EBAG9: variants seen among roughly 807,000 people sequenced by gnomAD.
The protein encoded by EBAG9 is receptor-binding cancer antigen expressed on SiSo cells.
A neutral mutation model predicts 30.9 loss-of-function variants in EBAG9; 16 were observed. The ratio of observed to expected loss-of-function variants is 0.52; its 90% CI spans 0.35 to 0.79. EBAG9 has a LOEUF of 0.79. Among genes scored for constraint, EBAG9 ranks in the 30% least tolerant of loss-of-function variants. The pLI is 0.01. For synonymous variants in EBAG9, 93 were observed against 82.8 expected (o/e 1.12, Z -0.67); for missense variants, 197 against 242.1 (o/e 0.81, Z 1.24).
At position 109,553,932 on chromosome 8, in the gene EBAG9, G is replaced by T; in HGVS notation, c.151G>T (p.Val51Phe). 6.2e-7 allele frequency: 1 copy of T among 1,604,276 alleles called. No individual in the cohort carries two copies. Among genetic ancestry groups the T allele is most frequent in the Non-Finnish European group, 8.5e-7 (1 of 1,177,068 alleles). The change falls in exon 3 of 7, where the codon GTT (valine) becomes TTT (phenylalanine). Residue 51 changes from valine to phenylalanine, a missense_variant. By Grantham distance (50) the Val-to-Phe change is conservative. Coordinates refer to ENST00000337573, the MANE Select transcript of EBAG9 (RefSeq NM_004215.5). The part of the protein sequence containing the change: ...TLPTTVDYSS[V>F]PKQTDVEEWT... ...GCCAACTACAGTTGATTATTCATCAGTTCCTAAGCAGGTAGGTTTTTTTTG... is the reference window on the plus strand; with the variant it reads ...GCCAACTACAGTTGATTATTCATCATTTCCTAAGCAGGTAGGTTTTTTTTG...
chr8:109,559,859 C>T lies in EBAG9; in HGVS notation c.430-979C>T, dbSNP rs574327643. On this transcript the variant is annotated intron_variant, in intron 5 of 6. Coordinates refer to ENST00000337573, the MANE Select transcript of EBAG9 (RefSeq NM_004215.5). ...GAAAAGGCAGGATTTCTACCTACTG[C>T]GGTCAAGAGGATAACTTGGTACTTT... Among the ~76,000 whole-genome samples the T allele has an allele frequency of 6.5e-4, 99 of 151,310 alleles. 1 individual carries two copies. The highest frequency in any genetic ancestry group is 2.2e-3 in the African/African-American group (90 of 41,270).
chr8:109,555,255 T>C (rs1408086914), intron 4 of EBAG9, among the ~76,000 whole-genome samples: 1 of 152,188 alleles, frequency 6.6e-6, no homozygotes, highest in Non-Finnish European at 1.5e-5. Context: ...GTCCTTGCGA[T>C]AGTTTGCTGA....
Position 109,564,568 on chromosome 8 carries a change from C to A in EBAG9, c.*9C>A. 2 of 1,610,706 alleles carry A rather than the reference C, an allele frequency of 1.2e-6. No homozygotes were observed. The highest frequency in any genetic ancestry group is 2.2e-5 in the South Asian group (2 of 90,830). ...GTGTGAAACTTTCATAACACATGTTCAAATTTTATCATGCCAGTAGGAGAA... is the reference window on the plus strand; with the variant it reads ...GTGTGAAACTTTCATAACACATGTTAAAATTTTATCATGCCAGTAGGAGAA... On this transcript the variant is annotated 3_prime_UTR_variant, in exon 7 of 7. Coordinates refer to ENST00000337573, the MANE Select transcript of EBAG9 (RefSeq NM_004215.5).
intron 6 of EBAG9, chr8:109,563,444 C>T (rs772223224): frequency 6.3e-7 from 1 of 1,597,716 alleles, no homozygotes; most frequent in South Asian, 1.1e-5. Flanking sequence ...TTTCATCATC[C>T]CACTCCTACC....
chr8:109,553,204 C>A (rs1048942717), intron 2 of EBAG9, among the ~76,000 whole-genome samples: 1 of 152,046 alleles, frequency 6.6e-6, no homozygotes, highest in Non-Finnish European at 1.5e-5. Context: ...TAAATCCAAA[C>A]AACCCTGCAA....
At chr8:109,558,349 C>T (rs1821644389) in intron 5 of EBAG9, among the ~76,000 whole-genome samples, 2 of 152,102 alleles carry the variant, frequency 1.3e-5, no homozygotes, top group South Asian at 4.1e-4. Context: ...AATATAATTA[C>T]AAACTTTGAT....
intron 5 of EBAG9, among the ~76,000 whole-genome samples, chr8:109,559,792 C>T (rs1821675495): frequency 6.6e-6 from 1 of 150,752 alleles, no homozygotes; most frequent in African/African-American, 2.4e-5. Flanking sequence ...CCAGCCTGGG[C>T]AACAAAGTGA....
intron 6 of EBAG9, among the ~76,000 whole-genome samples, chr8:109,561,179 T>C (rs1821703708): frequency 6.6e-6 from 1 of 151,124 alleles, no homozygotes. Context: ...TGGAGTGTTA[T>C]ATATACATGT....
chr8:109,563,296 C>T, intron 6 of EBAG9: 1 of 1,346,258 alleles, frequency 7.4e-7, no homozygotes, highest in Non-Finnish European at 1.0e-6. Flanking sequence ...GATTTTTCTG[C>T]ATATAACCTA....
intron 5 of EBAG9, among the ~76,000 whole-genome samples, chr8:109,558,559 A>G (rs1314559433): frequency 6.6e-6 from 1 of 152,164 alleles, no homozygotes. Context: ...TTATAATACT[A>G]TCATAGCTCA....
At chr8:109,554,588 G>A (rs538761046) in intron 3 of EBAG9, 141 bp from the exon 4 acceptor site, 2 of 685,608 alleles carry the variant, frequency 2.9e-6, no homozygotes, top group African/African-American at 1.8e-5. Flanking sequence ...TTTGATCTGT[G>A]ATATGAAATG....
At position 109,565,549 on chromosome 8, in the gene EBAG9, G is replaced by C. The variant is rs1320949229; in HGVS notation, c.*990G>C. The C allele has an allele frequency of 6.6e-6, 1 of 152,064 alleles. No homozygotes were observed. The highest frequency in any genetic ancestry group is 1.5e-5 in the Non-Finnish European group (1 of 67,952). 9.4% of individuals were successfully genotyped at this position (152,064 alleles called of 1,614,324 possible). On this transcript the variant is annotated 3_prime_UTR_variant, in exon 7 of 7. Coordinates refer to ENST00000337573, the MANE Select transcript of EBAG9 (RefSeq NM_004215.5). ...GTGGGAATAATAATCTTTTATTTATGATGTTGATTGGCTCCAAAATAGTCT... is the reference window on the plus strand; with the variant it reads ...GTGGGAATAATAATCTTTTATTTATCATGTTGATTGGCTCCAAAATAGTCT...
At position 109,563,347 on chromosome 8, in the gene EBAG9, T is replaced by C; in HGVS notation, c.522-1092T>C. On this transcript the variant is annotated intron_variant, in intron 6 of 6. Transcript: ENST00000337573. ...TGCCCAATTGTGACCTGTAGCTTCC[T>C]TCCTCAACGTTGCATACTTGAATGA... 1.9e-6 allele frequency: 3 copies of C among 1,583,030 alleles called. No homozygotes were observed. In the African/African-American group the frequency reaches 4.0e-5, roughly 21 times the overall value.
intron 1 of EBAG9, among the ~76,000 whole-genome samples, chr8:109,542,983 A>G (rs1238996168): frequency 6.6e-6 from 1 of 152,120 alleles, no homozygotes; most frequent in Non-Finnish European, 1.5e-5. Context: ...AGTACTGGGA[A>G]ATTGAATAGG....
At chr8:109,546,821 A>G (rs1405949280) in intron 1 of EBAG9, among the ~76,000 whole-genome samples, 1 of 152,174 alleles carries the variant, frequency 6.6e-6, no homozygotes, top group Non-Finnish European at 1.5e-5. Context: ...TTCATTCAGT[A>G]TAATTATTCT....
intron 6 of EBAG9, chr8:109,563,475 A>G (rs1176116903): frequency 3.1e-6 from 5 of 1,597,468 alleles, no homozygotes; most frequent in South Asian, 1.1e-5. Flanking sequence ...ACATTAACCA[A>G]TCAGTAAAGA....
At chr8:109,541,882 A>T (rs1406051533) in intron 1 of EBAG9, among the ~76,000 whole-genome samples, 1 of 152,216 alleles carries the variant, frequency 6.6e-6, no homozygotes, top group Admixed American at 6.5e-5. Context: ...GTGATTGATA[A>T]AATCAAAGTG....
intron 5 of EBAG9, 45 bp downstream of exon 5, chr8:109,557,087 G>C (rs1281065536): frequency 7.8e-7 from 1 of 1,279,274 alleles, no homozygotes; most frequent in Non-Finnish European, 1.1e-6. Flanking sequence ...TTGTATTTCT[G>C]TTTTCTTTAA....
Position 109,556,793 on chromosome 8 carries a change from TA to T in EBAG9, c.322-141del, listed in dbSNP as rs568472807. On this transcript the variant is annotated intron_variant, in intron 4 of 6. Coordinates refer to ENST00000337573, the MANE Select transcript of EBAG9 (RefSeq NM_004215.5). The stretch of plus-strand genomic sequence containing the variant: ...GTACAACAATTCCCTGGGAAATTGG[TA>T]TTTACAGACTTTTTTTTTAGTTTTT... 22 of 420,910 alleles carry T rather than the reference TA, an allele frequency of 5.2e-5. No homozygotes were observed. The Middle Eastern group carries it at 2.0e-3, about 37-fold the overall frequency. The allele number at this position is 420,910 out of a possible 1,614,324, so 26.1% of individuals were successfully genotyped here.
Sources: allele counts gnomAD v4.1 joint callset (sites outside exome capture counted in the v4.1 genomes callset), GRCh38; gene constraint gnomAD v4.1.1; transcripts MANE v1.5; gene names NCBI Gene and HGNC (gene_info 2026-07-23, HGNC 2026-07-21).